LGSN: variants seen among roughly 807,000 people sequenced by gnomAD.
The protein encoded by LGSN is lengsin.
A neutral mutation model predicts 19.5 loss-of-function variants in LGSN; 21 were observed. The ratio of observed to expected loss-of-function variants is 1.07; its 90% confidence interval spans 0.76 to 1.55. The LOEUF is 1.55. LGSN is among the 40% of genes most tolerant of loss of function. LGSN has a pLI of 0.00. For missense variants in LGSN, 673 were observed against 608.5 expected (o/e 1.11, Z -1.12); for synonymous variants, 257 against 215.6 (o/e 1.19, Z -1.68).
the LGSN span, among the ~76,000 whole-genome samples, chr6:63,394,606 G>T: frequency 6.6e-6 from 1 of 152,186 alleles, no homozygotes; most frequent in Non-Finnish European, 1.5e-5. Context: ...AGCCCTAGGG[G>T]CTGCTCTGCC....
the LGSN span, among the ~76,000 whole-genome samples, chr6:63,393,138 C>T: frequency 2.7e-4 from 41 of 151,282 alleles, no homozygotes; most frequent in African/African-American, 5.3e-4. Context: ...ACACCCACCT[C>T]GGCCTCCCAA....
chr6:63,370,010 A>G, the LGSN span, among the ~76,000 whole-genome samples: 2 of 117,902 alleles, frequency 1.7e-5, no homozygotes, highest in African/African-American at 5.9e-5. Context: ...TCCAAAAAAG[A>G]AGAAGAAGAA....
the LGSN span, among the ~76,000 whole-genome samples, chr6:63,456,375 A>G: frequency 2.1e-4 from 8 of 37,354 alleles, no homozygotes; most frequent in Non-Finnish European, 5.8e-4. Context: ...ATATATATAT[A>G]TATATATATA....
At chr6:63,332,719 G>A in the LGSN span, among the ~76,000 whole-genome samples, 4,942 of 152,178 alleles carry the variant, frequency 0.032, 260 homozygotes, top group African/African-American at 0.11. Context: ...AAGAGCAATC[G>A]AAAGGGGTCC....
the LGSN span, among the ~76,000 whole-genome samples, chr6:63,532,095 G>T: frequency 6.6e-6 from 1 of 151,902 alleles, no homozygotes; most frequent in Non-Finnish European, 1.5e-5. Context: ...CACCACGCCC[G>T]GTCAACCACA....
At chr6:63,361,087 A>T in the LGSN span, among the ~76,000 whole-genome samples, 1 of 152,234 alleles carries the variant, frequency 6.6e-6, no homozygotes, top group Non-Finnish European at 1.5e-5. Context: ...CCTCCCAGTT[A>T]GGCTACTCGA....
At chr6:63,483,562 G>C in the LGSN span, among the ~76,000 whole-genome samples, 2 of 152,134 alleles carry the variant, frequency 1.3e-5, no homozygotes, top group South Asian at 4.1e-4. Flanking sequence ...TAGAGATGGG[G>C]TTTCACCATG....
At chr6:63,491,857 G>C in the LGSN span, among the ~76,000 whole-genome samples, 1 of 152,024 alleles carries the variant, frequency 6.6e-6, no homozygotes, top group Non-Finnish European at 1.5e-5. Flanking sequence ...GTGAAACCCC[G>C]TCTCTACTAA....
chr6:63,458,834 A>G, the LGSN span, among the ~76,000 whole-genome samples: 2 of 152,232 alleles, frequency 1.3e-5, no homozygotes, highest in Non-Finnish European at 2.9e-5. Flanking sequence ...CATACCTTCC[A>G]TGCAGTGTAT....
the LGSN span, among the ~76,000 whole-genome samples, chr6:63,391,906 A>G: frequency 6.6e-6 from 1 of 152,330 alleles, no homozygotes; most frequent in African/African-American, 2.4e-5. Flanking sequence ...GGGTTGACGC[A>G]CAGAGCAACT....
chr6:63,553,999 C>G, the LGSN span, among the ~76,000 whole-genome samples: 2 of 152,126 alleles, frequency 1.3e-5, no homozygotes, highest in African/African-American at 4.8e-5. Flanking sequence ...CTGAAAATTT[C>G]CAATTACCAG....
chr6:63,350,211 G>C, the LGSN span, among the ~76,000 whole-genome samples: 36 of 152,296 alleles, frequency 2.4e-4, no homozygotes, highest in Admixed American at 5.9e-4. Flanking sequence ...TGGATTTATA[G>C]AGTTATTCTA....
chr6:63,345,601 A>G, the LGSN span, among the ~76,000 whole-genome samples: 1 of 152,160 alleles, frequency 6.6e-6, no homozygotes. Context: ...CAAGATAACG[A>G]TAGGTAGCAG....
chr6:63,344,819 A>C, the LGSN span, among the ~76,000 whole-genome samples: 2 of 152,234 alleles, frequency 1.3e-5, no homozygotes, highest in Admixed American at 1.3e-4. Flanking sequence ...AAATACTCAT[A>C]GAATGATATT....
chr6:63,288,094 T>C (rs1257676842), intron 2 of LGSN, among the ~76,000 whole-genome samples: 1 of 151,830 alleles, frequency 6.6e-6, no homozygotes, highest in African/African-American at 2.4e-5. Context: ...GGCATTCACC[T>C]GTAATCCCAG....
intron 2 of LGSN, among the ~76,000 whole-genome samples, chr6:63,289,144 A>G (rs1171108940): frequency 6.6e-6 from 1 of 152,198 alleles, no homozygotes; most frequent in East Asian, 1.9e-4. Flanking sequence ...TAGGCATCTC[A>G]TAGTCACTCA....
chr6:63,561,173 A>G, the LGSN span, among the ~76,000 whole-genome samples: 1 of 152,230 alleles, frequency 6.6e-6, no homozygotes. Flanking sequence ...TGATGGAAGC[A>G]GGGACTCTTG....
At chr6:63,450,693 G>C in the LGSN span, among the ~76,000 whole-genome samples, 1 of 148,716 alleles carries the variant, frequency 6.7e-6, no homozygotes, top group South Asian at 2.1e-4. Context: ...TTTTTTTTTA[G>C]ACTGAGTCTT....
the LGSN span, among the ~76,000 whole-genome samples, chr6:63,496,468 A>T: frequency 0.54 from 81,459 of 152,048 alleles, 23,651 homozygotes; most frequent in African/African-American, 0.77. Context: ...GCTGTGTGGC[A>T]TCGCTATACA....
Sources: gnomAD v4.1 joint callset for allele counts (sites outside exome capture counted in the v4.1 genomes callset) on GRCh38, gnomAD v4.1.1 for gene constraint, MANE v1.5 for transcripts, NCBI Gene and HGNC (gene_info 2026-07-23, HGNC 2026-07-21) for gene names.